The following FAT3 variants were observed in gnomAD, a reference collection of about 807,000 sequenced individuals.
The protein encoded by FAT3 is protocadherin Fat 3.
Under a neutral mutation model 310.2 loss-of-function variants are expected in FAT3, and 95 were observed. That is an observed-to-expected ratio of 0.31 (90% CI 0.26 to 0.36). The LOEUF is 0.36. Among genes scored for constraint, FAT3 ranks in the 10% least tolerant of loss-of-function variants. FAT3 has a pLI of 1.00. For missense variants in FAT3, 5,408 were observed against 5,715.6 expected (o/e 0.95, Z 1.74); for synonymous variants, 2,314 against 2,192.9 (o/e 1.06, Z -1.54).
intron 3 of FAT3, among the ~76,000 whole-genome samples, chr11:92,654,851 A>T (rs138227624): frequency 6.6e-6 from 1 of 151,992 alleles, no homozygotes; most frequent in Non-Finnish European, 1.5e-5. Flanking sequence ...CCCAACAACA[A>T]CTTCCTCCTG....
Position 92,283,313 on chromosome 11 carries a change from G to A in FAT3, c.-18+58139G>A, listed in dbSNP as rs143982215. On this transcript the variant is annotated intron_variant, in intron 1 of 27. Coordinates refer to ENST00000525166, the MANE Select transcript of FAT3 (RefSeq NM_001367949.2). ...TTCAGGTTTTTTACTTGACGTGTAG[G>A]TTGGAACATTATAAAGTTCATCAGT... 2.0e-5 allele frequency among the ~76,000 whole-genome samples: 3 copies of A among 152,240 alleles called. No individual in the cohort carries two copies. In the East Asian group the frequency reaches 5.8e-4, roughly 29 times the overall value.
At chr11:92,316,246 T>G (rs976408470) in intron 1 of FAT3, among the ~76,000 whole-genome samples, 2 of 151,970 alleles carry the variant, frequency 1.3e-5, no homozygotes, top group Non-Finnish European at 2.9e-5. Context: ...AAAAAGACAC[T>G]CCACTTGAAG....
intron 4 of FAT3, among the ~76,000 whole-genome samples, chr11:92,720,906 T>G (rs1483796487): frequency 1.3e-5 from 2 of 152,236 alleles, no homozygotes. Context: ...TGTGTGATAG[T>G]CCAGGATTCC....
At chr11:92,678,358 A>G (rs1943357334) in intron 3 of FAT3, among the ~76,000 whole-genome samples, 1 of 152,050 alleles carries the variant, frequency 6.6e-6, no homozygotes, top group Non-Finnish European at 1.5e-5. Context: ...GGGTGTGGAG[A>G]GGTGGAGTTT....
chr11:92,472,100 AT>A (rs1316996476), intron 2 of FAT3, among the ~76,000 whole-genome samples: 1 of 151,994 alleles, frequency 6.6e-6, no homozygotes, highest in African/African-American at 2.4e-5. Context: ...ACAGTGAGAA[AT>A]ATAGTGACAC....
intron 23 of FAT3, among the ~76,000 whole-genome samples, chr11:92,881,561 T>G (rs1344619558): frequency 6.6e-6 from 1 of 152,230 alleles, no homozygotes; most frequent in Non-Finnish European, 1.5e-5. Flanking sequence ...AAAGCGGCAT[T>G]TATTTTTAAA....
chr11:92,489,688 T>A (rs1298735604), intron 2 of FAT3, among the ~76,000 whole-genome samples: 1 of 152,122 alleles, frequency 6.6e-6, no homozygotes, highest in Non-Finnish European at 1.5e-5. Context: ...TAATAGGACA[T>A]CATTGCTCTA....
chr11:92,763,041 C>A (rs1314748184), intron 5 of FAT3, among the ~76,000 whole-genome samples: 1 of 152,014 alleles, frequency 6.6e-6, no homozygotes, highest in African/African-American at 2.4e-5. Flanking sequence ...TGCCTGTAAT[C>A]CCAGCTGCTC....
chr11:92,653,411 A>G (rs562777918), intron 3 of FAT3, among the ~76,000 whole-genome samples: 22 of 152,200 alleles, frequency 1.4e-4, no homozygotes, highest in African/African-American at 4.8e-4. Flanking sequence ...GCCTGGTTTC[A>G]GAATATTGCT....
At position 92,296,262 on chromosome 11, in the gene FAT3, T is replaced by C. The variant is rs148203378; in HGVS notation, c.-17-55834T>C. On this transcript the variant is annotated intron_variant, in intron 1 of 27. Coordinates refer to ENST00000525166, the MANE Select transcript of FAT3 (RefSeq NM_001367949.2). ...GTGGTTAAGACCACAGGCTTTGGAGTTGGAAAATACTGAAGTCAAATCCTG... is the reference window on the plus strand; with the variant it reads ...GTGGTTAAGACCACAGGCTTTGGAGCTGGAAAATACTGAAGTCAAATCCTG... 7.6e-3 allele frequency among the ~76,000 whole-genome samples: 1,149 copies of C among 152,126 alleles called. 19 individuals are homozygous for C. Among genetic ancestry groups the C allele is most frequent in the African/African-American group, 0.026 (1,062 of 41,516 alleles).
intron 13 of FAT3, among the ~76,000 whole-genome samples, chr11:92,825,205 C>T (rs1948072333): frequency 6.6e-6 from 1 of 152,154 alleles, no homozygotes; most frequent in Non-Finnish European, 1.5e-5. Context: ...GTTATGTTAG[C>T]AGGAACGTAT....
At chr11:92,571,811 C>T (rs999462150) in intron 3 of FAT3, among the ~76,000 whole-genome samples, 35 of 151,906 alleles carry the variant, frequency 2.3e-4, no homozygotes. Context: ...CCAATTTTGA[C>T]TTCCTTCTGC....
chr11:92,812,349 G>T (rs561155820), intron 13 of FAT3, among the ~76,000 whole-genome samples: 1 of 152,102 alleles, frequency 6.6e-6, no homozygotes, highest in Non-Finnish European at 1.5e-5. Flanking sequence ...AAGAGAGGCC[G>T]AAGTGGGCGG....
chr11:92,257,749 G>A (rs1481872643), intron 1 of FAT3, among the ~76,000 whole-genome samples: 1 of 152,090 alleles, frequency 6.6e-6, no homozygotes, highest in African/African-American at 2.4e-5. Flanking sequence ...ACTGACTGCT[G>A]ATTCATCTCC....
At chr11:92,441,854 C>T (rs1481151748) in intron 2 of FAT3, among the ~76,000 whole-genome samples, 2 of 151,738 alleles carry the variant, frequency 1.3e-5, no homozygotes, top group Non-Finnish European at 2.9e-5. Context: ...CTCAGAACCT[C>T]ATCAACTTCT....
At chr11:92,825,545 G>T (rs2136243555) in intron 13 of FAT3, among the ~76,000 whole-genome samples, 1 of 152,262 alleles carries the variant, frequency 6.6e-6, no homozygotes, top group South Asian at 2.1e-4. Flanking sequence ...AAGCACAAAT[G>T]CAGACCAGGG....
chr11:92,457,943 A>C (rs1042588752), intron 2 of FAT3, among the ~76,000 whole-genome samples: 1 of 152,106 alleles, frequency 6.6e-6, no homozygotes, highest in Non-Finnish European at 1.5e-5. Context: ...TAAATAAATA[A>C]ATAAAAATAA....
At chr11:92,391,340 A>G (rs1949744978) in intron 2 of FAT3, among the ~76,000 whole-genome samples, 1 of 151,558 alleles carries the variant, frequency 6.6e-6, no homozygotes. Flanking sequence ...TGACAGCCCC[A>G]CCTCCCCAAG....
At chr11:92,701,165 A>G (rs1461384467) in intron 4 of FAT3, among the ~76,000 whole-genome samples, 1 of 152,134 alleles carries the variant, frequency 6.6e-6, no homozygotes, top group Non-Finnish European at 1.5e-5. Flanking sequence ...TGTCCTTCCC[A>G]ATAAAATAAA....
Sources: allele counts gnomAD v4.1 joint callset (sites outside exome capture counted in the v4.1 genomes callset), GRCh38; gene constraint gnomAD v4.1.1; transcripts MANE v1.5; gene names NCBI Gene and HGNC (gene_info 2026-07-23, HGNC 2026-07-21).